BLVRA: variants seen among roughly 807,000 people sequenced by gnomAD.
BLVRA encodes BVR A.
A neutral mutation model predicts 32.8 loss-of-function variants in BLVRA; 22 were observed. The observed-to-expected ratio is 0.67, with a 90% CI of 0.48 to 0.96. The LOEUF is 0.96. Among genes scored for constraint, BLVRA ranks in the 40% least tolerant of loss-of-function variants. BLVRA has a pLI of 0.00. For synonymous variants in BLVRA, 119 were observed against 141.3 expected (o/e 0.84, Z 1.12); for missense variants, 323 against 358.1 (o/e 0.90, Z 0.79).
chr7:43,793,415 G>T (rs532225969), intron 5 of BLVRA, among the ~76,000 whole-genome samples: 1 of 152,136 alleles, frequency 6.6e-6, no homozygotes, highest in East Asian at 1.9e-4. Flanking sequence ...GGGAGGTAGA[G>T]ATTTTAATCA....
intron 2 of BLVRA, among the ~76,000 whole-genome samples, chr7:43,780,531 TC>T (rs909239729): frequency 2.0e-5 from 3 of 152,180 alleles, no homozygotes; most frequent in African/African-American, 7.2e-5. Flanking sequence ...TCCTGCCTCC[TC>T]ATCACTTCCT....
chr7:43,783,086 C>G (rs2095772052), intron 2 of BLVRA, among the ~76,000 whole-genome samples: 1 of 152,114 alleles, frequency 6.6e-6, no homozygotes, highest in Non-Finnish European at 1.5e-5. Context: ...AGAATTCTCA[C>G]CTTCCTAGAG....
chr7:43,804,400 C>A (rs892540784), intron 7 of BLVRA, among the ~76,000 whole-genome samples: 2 of 152,074 alleles, frequency 1.3e-5, no homozygotes, highest in African/African-American at 4.8e-5. Context: ...GAGATCAGGC[C>A]ACTGCATTTC....
chr7:43,765,712 A>C lies in BLVRA; in HGVS notation c.-21-5426A>C, dbSNP rs10225808. ...TTGGTAAGATGTTCTAAAATTAATG[A>C]GAGAACTTGAATTACCAGGTATTGA... is the stretch of plus-strand genomic sequence containing the variant. On this transcript the variant is annotated intron_variant, in intron 1 of 7. Transcript: ENST00000265523. Among the ~76,000 whole-genome samples, 1,077 of 152,348 alleles carry C rather than the reference A, an allele frequency of 7.1e-3. 11 individuals are homozygous for C. The highest frequency in any genetic ancestry group is 0.025 in the African/African-American group (1,021 of 41,578).
At position 43,792,771 on chromosome 7, in the gene BLVRA, T is replaced by C. The variant is rs148571710; in HGVS notation, c.311T>C (p.Leu104Ser). Reference sequence around the variant, plus strand: ...GTGGAATACCCCATGACACTGTCATTGGCGGCCGCTCAGGAACTGTGGGAG... The same window carrying C: ...GTGGAATACCCCATGACACTGTCATCGGCGGCCGCTCAGGAACTGTGGGAG... ...VLVEYPMTLS[L>S]AAAQELWELA... Residue 104 changes from leucine (L) to serine (S), a missense_variant, in exon 5 of 8, where the codon TTG (leucine) becomes TCG (serine). By Grantham distance (145) the Leu-to-Ser change is moderately radical. Transcript: ENST00000265523. 1.4e-5 allele frequency: 22 copies of C among 1,614,224 alleles called. No individual in the cohort carries two copies. The African/African-American group carries it at 2.5e-4, about 19-fold the overall frequency.
intron 2 of BLVRA, among the ~76,000 whole-genome samples, chr7:43,773,419 G>A (rs1211765240): frequency 3.3e-5 from 5 of 152,066 alleles, no homozygotes; most frequent in Non-Finnish European, 7.4e-5. Flanking sequence ...ATAGCTTGCT[G>A]AGAATGATGA....
intron 1 of BLVRA, among the ~76,000 whole-genome samples, chr7:43,762,554 C>T (rs978821556): frequency 6.7e-6 from 1 of 149,060 alleles, no homozygotes; most frequent in African/African-American, 2.5e-5. Context: ...GAATGTGAAA[C>T]TCTAGAGCTT....
At chr7:43,760,263 C>T (rs1370913677) in intron 1 of BLVRA, among the ~76,000 whole-genome samples, 1 of 152,022 alleles carries the variant, frequency 6.6e-6, no homozygotes, top group Non-Finnish European at 1.5e-5. Context: ...CACTTTGGGC[C>T]ACATCTATTA....
chr7:43,779,693 A>G (rs939018203), intron 2 of BLVRA, among the ~76,000 whole-genome samples: 2 of 152,084 alleles, frequency 1.3e-5, no homozygotes, highest in African/African-American at 4.8e-5. Flanking sequence ...TTTAAGTTCT[A>G]AAGAAACAAT....
intron 7 of BLVRA, 95 bp downstream of exon 7, chr7:43,803,942 T>C: frequency 4.2e-6 from 6 of 1,424,416 alleles, no homozygotes; most frequent in South Asian, 2.3e-5. Context: ...GGCTAGACCC[T>C]CACTCCCAGC....
At chr7:43,799,959 T>C (rs2095796906) in intron 5 of BLVRA, among the ~76,000 whole-genome samples, 2 of 152,202 alleles carry the variant, frequency 1.3e-5, no homozygotes, top group Non-Finnish European at 2.9e-5. Context: ...TTTCTCTTTT[T>C]TTCTTTTTCT....
intron 2 of BLVRA, 149 bp downstream of exon 2, chr7:43,771,319 G>A: frequency 1.1e-6 from 1 of 939,814 alleles, no homozygotes; most frequent in Non-Finnish European, 1.7e-6. Flanking sequence ...CGTGGTTCTG[G>A]GTGATGCAGG....
At chr7:43,763,621 G>A (rs544328707) in intron 1 of BLVRA, among the ~76,000 whole-genome samples, 49 of 152,326 alleles carry the variant, frequency 3.2e-4, no homozygotes, top group Non-Finnish European at 5.7e-4. Flanking sequence ...TTTGACCCCT[G>A]GCTCTGTTTC....
chr7:43,776,340 T>G (rs1399897684), intron 2 of BLVRA, among the ~76,000 whole-genome samples: 2 of 152,248 alleles, frequency 1.3e-5, no homozygotes, highest in African/African-American at 4.8e-5. Flanking sequence ...TGGTATGTTG[T>G]GTCTTTATTC....
rs925379230 is a variant in BLVRA, at chr7:43,800,551, A to G, written c.439A>G (p.Lys147Glu). The G allele has an allele frequency of 2.5e-6, 4 of 1,613,948 alleles. No individual in the cohort carries two copies. The Middle Eastern group carries it at 5.0e-4, about 200-fold the overall frequency. ...KKEVVGKDLLKGSLLFTAGPL... is the reference protein window; with the variant it reads ...KKEVVGKDLLEGSLLFTAGPL... ...AGAAGTGGTGGGGAAAGACCTGCTGAAAGGGTCGCTCCTCTTCACAGGTCA... is the reference window on the plus strand; with the variant it reads ...AGAAGTGGTGGGGAAAGACCTGCTGGAAGGGTCGCTCCTCTTCACAGGTCA... The change falls in exon 6 of 8, where the codon AAA (lysine) becomes GAA (glutamate). Residue 147 changes from lysine to glutamate, a missense_variant. By Grantham distance (56) the Lys-to-Glu change is moderately conservative. Transcript: ENST00000265523.
intron 1 of BLVRA, among the ~76,000 whole-genome samples, chr7:43,766,220 A>C (rs886084201): frequency 6.7e-6 from 1 of 148,240 alleles, no homozygotes; most frequent in Non-Finnish European, 1.5e-5. Context: ...TGGGAGGCAG[A>C]GGTTGCAGTG....
At chr7:43,806,904 CTG>C in intron 7 of BLVRA, 71 bp from the exon 8 acceptor site, 1 of 1,570,526 alleles carries the variant, frequency 6.4e-7, no homozygotes, top group South Asian at 1.1e-5. Context: ...ACCAGGCGGT[CTG>C]GTGCCAGCAA....
At chr7:43,797,594 C>T (rs544506543) in intron 5 of BLVRA, among the ~76,000 whole-genome samples, 2 of 152,256 alleles carry the variant, frequency 1.3e-5, no homozygotes, top group East Asian at 3.9e-4. Context: ...ATGCATGTAA[C>T]CGCATACAAC....
chr7:43,762,966 A>G (rs1249882803), intron 1 of BLVRA, among the ~76,000 whole-genome samples: 1 of 152,102 alleles, frequency 6.6e-6, no homozygotes, highest in African/African-American at 2.4e-5. Flanking sequence ...GCTGGGGGGA[A>G]AACGGTATGT....
Sources: gnomAD v4.1 joint callset for allele counts (sites outside exome capture counted in the v4.1 genomes callset) on GRCh38, gnomAD v4.1.1 for gene constraint, MANE v1.5 for transcripts, NCBI Gene and HGNC (gene_info 2026-07-23, HGNC 2026-07-21) for gene names.